GUCA1C: variants seen among roughly 807,000 people sequenced by gnomAD.
The protein encoded by GUCA1C is guanylate cyclase activator 1C, also known as guanylyl cyclase-activating protein 3.
A neutral mutation model predicts 16.2 loss-of-function variants in GUCA1C; 15 were observed. The observed-to-expected ratio is 0.93, with a 90% CI of 0.62 to 1.43. The LOEUF (loss-of-function observed/expected upper bound fraction) is 1.43. GUCA1C is among the 40% of genes most tolerant of loss of function. The pLI is 0.00. For missense variants in GUCA1C, 275 were observed against 244.8 expected, an observed-to-expected ratio of 1.12 and a Z score of -0.82; for synonymous variants, 78 against 85.4, an observed-to-expected ratio of 0.91 and a Z score of 0.48.
intron 1 of GUCA1C, among the ~76,000 whole-genome samples, chr3:108,931,125 C>T (rs753593057): frequency 7.9e-5 from 12 of 152,110 alleles, no homozygotes; most frequent in Non-Finnish European, 1.8e-4. Flanking sequence ...TCCCTGCAAG[C>T]CTGGCTTGTT....
rs190669577 is a variant in GUCA1C at position 108,917,951 on chromosome 3, A to G, written c.355-1737T>C. On this transcript the variant is annotated intron_variant, in intron 2 of 3. Coordinates refer to ENST00000261047, the MANE Select transcript of GUCA1C (RefSeq NM_005459.4). Reference sequence around the variant, plus strand: ...TCCTAGCTACTCAGGAGGCTGAGGCAGGAGAATCGCTTGAATCCAGGAGGT... The same window carrying G: ...TCCTAGCTACTCAGGAGGCTGAGGCGGGAGAATCGCTTGAATCCAGGAGGT... Among the ~76,000 whole-genome samples, 392 of 152,326 alleles carry G rather than the reference A, an allele frequency of 2.6e-3. 1 individual carries two copies. Among genetic ancestry groups the G allele is most frequent in the Non-Finnish European group, 3.6e-3 (248 of 68,020 alleles).
At chr3:108,908,731 C>T (rs1256043104) in intron 3 of GUCA1C, among the ~76,000 whole-genome samples, 1 of 152,102 alleles carries the variant, frequency 6.6e-6, no homozygotes, top group Admixed American at 6.5e-5. Flanking sequence ...TTTTTGAGTC[C>T]TGATCTTATC....
chr3:108,911,045 G>T (rs1344529826), intron 3 of GUCA1C, among the ~76,000 whole-genome samples: 1 of 152,120 alleles, frequency 6.6e-6, no homozygotes, highest in Non-Finnish European at 1.5e-5. Context: ...GTTGTTTAGG[G>T]CTATTTGTTG....
Position 108,922,335 on chromosome 3 carries a change from T to G in GUCA1C, c.205-1750A>C, listed in dbSNP as rs1576547452. Reference sequence around the variant, plus strand: ...AGTATCTTTTTCATATAATGACTTCTTTTTCTCTGGGTAGATACCTAGTAG... The same window carrying G: ...AGTATCTTTTTCATATAATGACTTCGTTTTCTCTGGGTAGATACCTAGTAG... On this transcript the variant is annotated intron_variant, in intron 1 of 3. Transcript: ENST00000261047. Among the ~76,000 whole-genome samples, 3 of 152,242 alleles carry G rather than the reference T, an allele frequency of 2.0e-5. No homozygotes were observed. The East Asian group carries it at 5.8e-4, about 29-fold the overall frequency.
At chr3:108,913,795 C>A (rs887727645) in intron 3 of GUCA1C, among the ~76,000 whole-genome samples, 1 of 151,946 alleles carries the variant, frequency 6.6e-6, no homozygotes, top group East Asian at 1.9e-4. Context: ...GGGCTGGGCA[C>A]GGTGGCTCAC....
At chr3:108,913,230 A>AATATATAT (rs57364462) in intron 3 of GUCA1C, among the ~76,000 whole-genome samples, 2 of 147,908 alleles carry the variant, frequency 1.4e-5, no homozygotes, top group East Asian at 2.0e-4. Flanking sequence ...TTGAGAAATA[A>AATATATAT]ATATATATAT....
intron 2 of GUCA1C, among the ~76,000 whole-genome samples, chr3:108,919,659 T>A (rs1392672905): frequency 6.6e-6 from 1 of 152,204 alleles, no homozygotes; most frequent in Admixed American, 6.5e-5. Flanking sequence ...GTAGTTCTAC[T>A]CACTTATTTT....
At chr3:108,916,826 T>C (rs1946522883) in intron 2 of GUCA1C, among the ~76,000 whole-genome samples, 1 of 152,210 alleles carries the variant, frequency 6.6e-6, no homozygotes, top group South Asian at 2.1e-4. Context: ...TCCAAGGTGA[T>C]TAAATTAAAT....
chr3:108,917,537 A>G (rs998317452), intron 2 of GUCA1C, among the ~76,000 whole-genome samples: 4 of 151,722 alleles, frequency 2.6e-5, no homozygotes, highest in African/African-American at 9.7e-5. Flanking sequence ...TTTCTTCCCT[A>G]GTTTCCTAAT....
chr3:108,947,202 C>T (rs1388284035), intron 1 of GUCA1C, among the ~76,000 whole-genome samples: 1 of 152,018 alleles, frequency 6.6e-6, no homozygotes, highest in African/African-American at 2.4e-5. Flanking sequence ...ATAATGCATT[C>T]TAACAATAAA....
At chr3:108,951,090 A>T (rs34049565) in intron 1 of GUCA1C, among the ~76,000 whole-genome samples, 3,813 of 152,174 alleles carry the variant, frequency 0.025, 81 homozygotes, top group Middle Eastern at 0.11. Flanking sequence ...TTACATGTGG[A>T]ATCTAAAAAA....
At chr3:108,918,386 T>A (rs1946538387) in intron 2 of GUCA1C, among the ~76,000 whole-genome samples, 1 of 152,184 alleles carries the variant, frequency 6.6e-6, no homozygotes, top group Non-Finnish European at 1.5e-5. Context: ...CACCCTAGCA[T>A]CCTTTGTCCC....
intron 1 of GUCA1C, among the ~76,000 whole-genome samples, chr3:108,952,563 T>TA (rs1946905278): frequency 6.6e-6 from 1 of 152,208 alleles, no homozygotes; most frequent in Non-Finnish European, 1.5e-5. Context: ...TCCTGCCTGT[T>TA]ACCTCCTTTT....
At chr3:108,923,183 G>A (rs1351664275) in intron 1 of GUCA1C, among the ~76,000 whole-genome samples, 1 of 152,078 alleles carries the variant, frequency 6.6e-6, no homozygotes, top group East Asian at 1.9e-4. Flanking sequence ...TGATTCCTAT[G>A]TATTTATTTT....
intron 1 of GUCA1C, among the ~76,000 whole-genome samples, chr3:108,952,632 A>C (rs1203318758): frequency 6.7e-6 from 1 of 149,384 alleles, no homozygotes; most frequent in East Asian, 1.9e-4. Flanking sequence ...CTATCAAACA[A>C]CCAGTTTTTT....
upstream of GUCA1C, chr3:108,954,008 T>A (rs1946926097): frequency 4.0e-6 from 2 of 495,906 alleles, no homozygotes; most frequent in South Asian, 6.6e-5. Flanking sequence ...GAGACATAGT[T>A]TTTTGTGAAG....
chr3:108,910,596 A>G (rs1450933820), intron 3 of GUCA1C, among the ~76,000 whole-genome samples: 1 of 152,076 alleles, frequency 6.6e-6, no homozygotes, highest in African/African-American at 2.4e-5. Context: ...TGAAGTCATT[A>G]CTGAGTTTTT....
intron 1 of GUCA1C, among the ~76,000 whole-genome samples, chr3:108,952,831 A>C (rs567649110): frequency 6.6e-6 from 1 of 152,210 alleles, no homozygotes; most frequent in Admixed American, 6.5e-5. Context: ...GCAGAACCTG[A>C]GCCTGATATT....
intron 2 of GUCA1C, among the ~76,000 whole-genome samples, chr3:108,917,420 T>C (rs1021872648): frequency 6.6e-6 from 1 of 152,006 alleles, no homozygotes; most frequent in Non-Finnish European, 1.5e-5. Flanking sequence ...AGTCCTCAGC[T>C]TGCTCCGTTT....
Sources: allele counts gnomAD v4.1 joint callset (sites outside exome capture counted in the v4.1 genomes callset), GRCh38; gene constraint gnomAD v4.1.1; transcripts MANE v1.5; gene names NCBI Gene and HGNC (gene_info 2026-07-23, HGNC 2026-07-21).